MYOCOS: variants seen among roughly 807,000 people sequenced by gnomAD.
The protein encoded by MYOCOS is myocilin opposite strand, also known as myocilin opposite strand protein.
At chr1:171,621,374 G>GTTTTTTTTTTTTT (rs397974158), upstream of MYOCOS, among the ~76,000 whole-genome samples, 2 of 115,150 alleles carry the variant, frequency 1.7e-5, 1 homozygote, top group African/African-American at 6.8e-5. Flanking sequence ...TCTATGGTGG[G>GTTTTTTTTTTTTT]TTTTTTTTTT....
intron 1 of MYOCOS, among the ~76,000 whole-genome samples, chr1:171,602,985 C>T (rs1347866980): frequency 9.2e-5 from 14 of 152,294 alleles, no homozygotes; most frequent in Admixed American, 2.0e-4. Flanking sequence ...CCAGAGGCCC[C>T]GATTGTCCCC....
chr1:171,619,218 C>T (rs1207309795), upstream of MYOCOS, among the ~76,000 whole-genome samples: 2 of 152,084 alleles, frequency 1.3e-5, no homozygotes, highest in African/African-American at 2.4e-5. Context: ...TCCCAAATAG[C>T]GAATTTCTTC....
chr1:171,626,313 C>T (rs1652696520), intron 2 of MYOCOS, 141 bp from the exon 3 acceptor site: 2 of 384,334 alleles, frequency 5.2e-6, no homozygotes, highest in Non-Finnish European at 4.6e-6. Context: ...AACTCCTGGG[C>T]TCAAGTGATC....
chr1:171,614,217 T>C (rs1191680911), intron 1 of MYOCOS, among the ~76,000 whole-genome samples: 1 of 152,226 alleles, frequency 6.6e-6, no homozygotes, highest in Non-Finnish European at 1.5e-5. Context: ...AAAGTCTTTT[T>C]AGAGTTTAAT....
At chr1:171,625,610 T>G (rs955232690) in intron 2 of MYOCOS, among the ~76,000 whole-genome samples, 2 of 152,148 alleles carry the variant, frequency 1.3e-5, no homozygotes, top group African/African-American at 2.4e-5. Flanking sequence ...TGCCCAGCCC[T>G]GAGGAGGATG....
intron 1 of MYOCOS, among the ~76,000 whole-genome samples, chr1:171,601,578 G>A (rs1272472954): frequency 2.0e-5 from 3 of 152,062 alleles, no homozygotes; most frequent in Non-Finnish European, 2.9e-5. Flanking sequence ...AGACTATGGA[G>A]TCACTATGAC....
rs34773729 is a variant in MYOCOS, at chr1:171,608,408, C to CTTTTTTTTTTT, written c.-251-6373_-251-6363dup. 2.3e-4 allele frequency among the ~76,000 whole-genome samples: 12 copies of CTTTTTTTTTTT among 51,382 alleles called. 4 individuals are homozygous for CTTTTTTTTTTT. Among genetic ancestry groups the CTTTTTTTTTTT allele is most frequent in the African/African-American group, 9.5e-4 (11 of 11,554 alleles). The allele number at this position is 51,382 out of a possible 152,430, so 33.7% of individuals were successfully genotyped here. The stretch of plus-strand genomic sequence containing the variant: ...CTGGCCTTGAGTCCAGGGAACCAGA[C>CTTTTTTTTTTT]TTTTTTTTTTTTTTTTTTTTTTTTT... On this transcript the variant is annotated intron_variant, in intron 1 of 3. Coordinates refer to the MYOCOS transcript ENST00000636697.
intron 1 of MYOCOS, among the ~76,000 whole-genome samples, chr1:171,623,116 C>A (rs917479538): frequency 2.0e-5 from 3 of 152,044 alleles, no homozygotes; most frequent in Admixed American, 2.0e-4. Flanking sequence ...GTAGTCTCAG[C>A]TACTTGGGAG....
intron 1 of MYOCOS, among the ~76,000 whole-genome samples, chr1:171,613,722 AT>A (rs538167629): frequency 5.9e-4 from 90 of 151,924 alleles, no homozygotes; most frequent in African/African-American, 2.1e-3. Flanking sequence ...TAACTTTTTA[AT>A]TTTTTGTAGC....
intron 2 of MYOCOS, among the ~76,000 whole-genome samples, chr1:171,615,387 TAAGAC>T (rs964877712): frequency 6.6e-6 from 1 of 152,096 alleles, no homozygotes; most frequent in African/African-American, 2.4e-5. Flanking sequence ...GTGAAAGAGA[TAAGAC>T]AAAGATGACT....
upstream of MYOCOS, among the ~76,000 whole-genome samples, chr1:171,621,487 T>C (rs1389991045): frequency 6.7e-6 from 1 of 148,260 alleles, no homozygotes. Context: ...GCCATTCTCC[T>C]GCCTCAGCCT....
upstream of MYOCOS, among the ~76,000 whole-genome samples, chr1:171,621,194 C>A (rs1652561342): frequency 1.3e-5 from 2 of 152,152 alleles, no homozygotes; most frequent in South Asian, 4.1e-4. Context: ...TGTCACAGGT[C>A]ATGGTCACTC....
chr1:171,623,834 T>A lies in MYOCOS; in HGVS notation c.-43-7T>A, dbSNP rs1209035274. On this transcript the variant is annotated splice_region_variant and splice_polypyrimidine_tract_variant and intron_variant, in intron 1 of 2. Transcript: ENST00000637642. ...TGTGTGCCAGCTCTTGTGTTTTGCA[T>A]TCACAGGTGCAGTAACTTTAAATTC... is the stretch of plus-strand genomic sequence containing the variant. 2.5e-6 allele frequency: 1 copy of A among 398,402 alleles called. No homozygotes were observed. The highest frequency in any genetic ancestry group is 4.4e-6 in the Non-Finnish European group (1 of 226,054). 24.7% of individuals were successfully genotyped at this position (398,402 alleles called of 1,614,324 possible). A position where few individuals can be genotyped will look rare whatever the true frequency, so the allele number is the denominator to read the frequency against.
At chr1:171,605,812 A>G (rs945834923) in intron 1 of MYOCOS, among the ~76,000 whole-genome samples, 5 of 152,196 alleles carry the variant, frequency 3.3e-5, no homozygotes, top group Admixed American at 3.3e-4. Context: ...GCTCAACCGA[A>G]TCATACGGTT....
intron 2 of MYOCOS, among the ~76,000 whole-genome samples, chr1:171,625,244 A>G (rs1652671616): frequency 6.6e-6 from 1 of 152,174 alleles, no homozygotes; most frequent in South Asian, 2.1e-4. Flanking sequence ...CAAGGACGAG[A>G]TGGCATAATT....
chr1:171,624,026 A>G (rs1430698045), intron 2 of MYOCOS, 48 bp downstream of exon 2: 1 of 398,476 alleles, frequency 2.5e-6, no homozygotes, highest in East Asian at 3.6e-5. Context: ...GGGACGGAGC[A>G]TAACACTGAG....
chr1:171,608,592 T>G (rs1035884460), intron 1 of MYOCOS, among the ~76,000 whole-genome samples: 1 of 151,774 alleles, frequency 6.6e-6, no homozygotes, highest in Non-Finnish European at 1.5e-5. Flanking sequence ...TAGTTTTGTT[T>G]TTGTATTTTT....
chr1:171,605,860 C>T (rs1205475653), intron 1 of MYOCOS, among the ~76,000 whole-genome samples: 1 of 152,144 alleles, frequency 6.6e-6, no homozygotes, highest in African/African-American at 2.4e-5. Context: ...TAAAACCGGT[C>T]AAGCCTTGAC....
At chr1:171,612,336 C>T (rs910665054) in intron 1 of MYOCOS, among the ~76,000 whole-genome samples, 54 of 151,802 alleles carry the variant, frequency 3.6e-4, no homozygotes, top group African/African-American at 1.3e-3. Context: ...GCCTAGGACT[C>T]CCAAAGTGCT....
Sources: gnomAD v4.1 joint callset for allele counts (sites outside exome capture counted in the v4.1 genomes callset) on GRCh38, gnomAD v4.1.1 for gene constraint, MANE v1.5 for transcripts, NCBI Gene and HGNC (gene_info 2026-07-23, HGNC 2026-07-21) for gene names.